TET2: variants seen among roughly 807,000 people sequenced by gnomAD.
TET2 encodes methylcytosine dioxygenase TET2.
TET2 carries 299 observed loss-of-function variants against 142.9 expected under a neutral mutation model. The ratio of observed to expected loss-of-function variants is 2.09; its 90% CI spans 1.90 to 2.30. The LOEUF is 2.30. TET2 is among the 30% of genes most tolerant of loss of function. The probability of loss-of-function intolerance (pLI) is 0.00; values close to 1 mark genes in which losing one functional copy is unlikely to be tolerated. For missense variants in TET2, 2,418 were observed against 2,378.0 expected (o/e 1.02, Z -0.35); for synonymous variants, 819 against 849.0 (o/e 0.96, Z 0.61).
intron 2 of TET2, among the ~76,000 whole-genome samples, chr4:105,232,259 C>G (rs1205784631): frequency 2.0e-5 from 3 of 152,174 alleles, no homozygotes; most frequent in Non-Finnish European, 2.9e-5. Flanking sequence ...TTTATCCAGT[C>G]TACTACTTAC....
intron 8 of TET2, among the ~76,000 whole-genome samples, chr4:105,262,881 CAA>C (rs34819518): frequency 3.0e-5 from 4 of 133,688 alleles, no homozygotes; most frequent in African/African-American, 8.2e-5. Flanking sequence ...AACTCCATCT[CAA>C]AAAAAAAAAA....
intron 2 of TET2, among the ~76,000 whole-genome samples, chr4:105,228,902 T>C (rs1560536654): frequency 6.6e-6 from 1 of 152,318 alleles, no homozygotes; most frequent in East Asian, 1.9e-4. Flanking sequence ...TATTAGGTGT[T>C]ATTGATGATT....
At chr4:105,257,068 G>A (rs956669455) in intron 6 of TET2, among the ~76,000 whole-genome samples, 1 of 152,040 alleles carries the variant, frequency 6.6e-6, no homozygotes, top group Non-Finnish European at 1.5e-5. Context: ...ACTTTTTCAG[G>A]AATAGCCTCT....
rs757771094 is a variant in TET2 at position 105,176,870 on chromosome 4, A to G, written c.-192-13490A>G. Reference sequence around the variant, plus strand: ...ACACTACCTGGCTTTAAAGCTTACTATAAAGCTCAGATAATCAATGTAGTG... The same window carrying G: ...ACACTACCTGGCTTTAAAGCTTACTGTAAAGCTCAGATAATCAATGTAGTG... On this transcript the variant is annotated intron_variant, in intron 1 of 10. Transcript: ENST00000380013. Among the ~76,000 whole-genome samples, 57 of 152,206 alleles carry G rather than the reference A, an allele frequency of 3.7e-4. 3 individuals are homozygous for G. Among genetic ancestry groups the G allele is most frequent in the Admixed American group, 1.3e-4 (2 of 15,284 alleles).
intron 8 of TET2, among the ~76,000 whole-genome samples, chr4:105,268,170 A>G (rs1730781563): frequency 6.6e-6 from 1 of 152,220 alleles, no homozygotes; most frequent in South Asian, 2.1e-4. Context: ...GTTTGTCTAC[A>G]TAAGAAGTCT....
At position 105,275,994 on chromosome 4, in the gene TET2, G is replaced by A. The variant is rs752744962; in HGVS notation, c.5484G>A (p.Gln1828=). The change falls in exon 11 of 11, where the codon CAG becomes CAA. Residue 1828 remains glutamine (Q), a synonymous_variant. Coordinates refer to ENST00000380013, the MANE Select transcript of TET2 (RefSeq NM_001127208.3). ...GTGATGCTAATGGTCAGGAAAAGCA[G>A]CCATTGGCACTAGTCCAGGGTGTGG... The part of the protein sequence containing the change: ...KLSDANGQEK[Q]PLALVQGVAS... 1.2e-5 allele frequency: 18 copies of A among 1,551,746 alleles called. No individual in the cohort carries two copies. The South Asian group carries it at 2.0e-4, about 17-fold the overall frequency.
At chr4:105,243,997 G>A (rs572663711) in intron 6 of TET2, among the ~76,000 whole-genome samples, 2 of 152,304 alleles carry the variant, frequency 1.3e-5, no homozygotes, top group South Asian at 2.1e-4. Flanking sequence ...TTAATTAGGA[G>A]CAGTCAGAGT....
intron 1 of TET2, among the ~76,000 whole-genome samples, chr4:105,182,938 T>A (rs1024070368): frequency 6.6e-6 from 1 of 152,180 alleles, no homozygotes; most frequent in Non-Finnish European, 1.5e-5. Context: ...TATAAATAAT[T>A]TATGACATAA....
Position 105,269,617 on chromosome 4 carries a change from A to G in TET2, c.4052A>G (p.Tyr1351Cys). ...CACACTTTTATTTTTCAGATTGAAT[A>G]TGAACACAGAGCACCAGAGTGCCGT... is the stretch of plus-strand genomic sequence containing the variant. ...APDAYNNQIE[Y>C]EHRAPECRLG... Residue 1351 changes from tyrosine to cysteine, a missense_variant, in exon 9 of 11, where the codon TAT becomes TGT. Transcript: ENST00000380013. The G allele has an allele frequency of 6.4e-7, 1 of 1,551,590 alleles. No homozygotes were observed. The highest frequency in any genetic ancestry group is 8.7e-7 in the Non-Finnish European group (1 of 1,146,904).
chr4:105,242,408 A>G (rs1228129231), intron 4 of TET2: 2 of 1,083,246 alleles, frequency 1.8e-6, no homozygotes, highest in East Asian at 5.1e-5. Flanking sequence ...CTCCTTTTCT[A>G]AATTGTGAGA....
Position 105,236,990 on chromosome 4 carries a change from T to G in TET2, c.3048T>G (p.Cys1016Trp), listed in dbSNP as rs766935413. The G allele has an allele frequency of 1.9e-6, 3 of 1,614,050 alleles. No individual in the cohort carries two copies. The highest frequency in any genetic ancestry group is 2.5e-6 in the Non-Finnish European group (3 of 1,180,018). Residue 1016 changes from cysteine to tryptophan, a missense_variant, in exon 3 of 11, where the codon TGT becomes TGG. Physicochemically the swap from Cys to Trp is radical, Grantham distance 215. Transcript: ENST00000380013. ...AGCAAGAGAATCCACCTGCAAGCTGTGATAATGTGCAGCAAAAGAGCATCA... is the reference window on the plus strand; with the variant it reads ...AGCAAGAGAATCCACCTGCAAGCTGGGATAATGTGCAGCAAAAGAGCATCA... ...VTKQENPPAS[C>W]DNVQQKSIIE...
chr4:105,269,965 C>G (rs1730873352), intron 9 of TET2, among the ~76,000 whole-genome samples: 1 of 152,146 alleles, frequency 6.6e-6, no homozygotes, highest in Non-Finnish European at 1.5e-5. Context: ...GGGGAACTCC[C>G]CTTTATAAAA....
At chr4:105,151,292 G>T (rs1029743189) in intron 1 of TET2, among the ~76,000 whole-genome samples, 6 of 152,108 alleles carry the variant, frequency 3.9e-5, no homozygotes, top group African/African-American at 1.4e-4. Context: ...CTGCGCTCCA[G>T]CCCAGGCAAG....
At chr4:105,161,893 T>A (rs1723877343) in intron 1 of TET2, among the ~76,000 whole-genome samples, 1 of 152,236 alleles carries the variant, frequency 6.6e-6, no homozygotes, top group South Asian at 2.1e-4. Flanking sequence ...AATTTTAGGC[T>A]GTTCGTCTTT....
chr4:105,239,349 A>C (rs1264494976), intron 3 of TET2: 3 of 240,464 alleles, frequency 1.2e-5, no homozygotes, highest in Non-Finnish European at 1.8e-5. Context: ...TGAAAGTCTT[A>C]GATGGCACCT....
chr4:105,248,215 A>G lies in TET2; in HGVS notation c.3803+4437A>G, dbSNP rs566515645. ...GATCCATCATTATGTTCTTCATCAA[A>G]CTTTCACCAGATAGTTTCACATCAA... On this transcript the variant is annotated intron_variant, in intron 6 of 10. Transcript: ENST00000380013. 9.9e-5 allele frequency among the ~76,000 whole-genome samples: 15 copies of G among 152,210 alleles called. No individual in the cohort carries two copies. In the East Asian group the frequency reaches 2.9e-3, roughly 29 times the overall value.
At chr4:105,273,253 C>T (rs1731052663) in intron 10 of TET2, among the ~76,000 whole-genome samples, 1 of 152,176 alleles carries the variant, frequency 6.6e-6, no homozygotes, top group Non-Finnish European at 1.5e-5. Flanking sequence ...AGTTCTGTGC[C>T]AGAGTCTTCT....
At position 105,235,006 on chromosome 4, in the gene TET2, G is replaced by A. The variant is rs61744960; in HGVS notation, c.1064G>A (p.Gly355Asp). Reference protein sequence around the residue: ...KLASGEEFCSGSSSNLQAPGG... With the variant: ...KLASGEEFCSDSSSNLQAPGG... ...GCGTCTGGTGAAGAATTCTGTTCAG[G>A]TTCCAGCAGCAATTTGCAAGCTCCT... Residue 355 changes from glycine to aspartate, a missense_variant, in exon 3 of 11, where the codon GGT (glycine) becomes GAT (aspartate). Coordinates refer to ENST00000380013, the MANE Select transcript of TET2 (RefSeq NM_001127208.3). 0.037 allele frequency: 60,454 copies of A among 1,614,054 alleles called. 1,339 individuals carry two copies. Among genetic ancestry groups the A allele is most frequent in the Non-Finnish European group, 0.044 (52,021 of 1,179,994 alleles).
rs1156737666 is a variant in TET2, at chr4:105,234,244, C to T, written c.302C>T (p.Pro101Leu). The T allele has an allele frequency of 6.2e-7, 1 of 1,614,106 alleles. No homozygotes were observed. Among genetic ancestry groups the T allele is most frequent in the Admixed American group, 1.7e-5 (1 of 60,024 alleles). The change falls in exon 3 of 11, where the codon CCT (proline) becomes CTT (leucine). Residue 101 changes from proline (P) to leucine (L), a missense_variant. Transcript: ENST00000380013. ...GGAATAAAACGCACAGTTAGTGAAC[C>T]TTCTCTCTCTGGGCTCCTTCAGATC... is the stretch of plus-strand genomic sequence containing the variant. ...NGGIKRTVSE[P>L]SLSGLLQIKK...
Sources: gnomAD v4.1 joint callset for allele counts (sites outside exome capture counted in the v4.1 genomes callset) on GRCh38, gnomAD v4.1.1 for gene constraint, MANE v1.5 for transcripts, NCBI Gene and HGNC (gene_info 2026-07-23, HGNC 2026-07-21) for gene names.